NEK6: variants seen among roughly 807,000 people sequenced by gnomAD.
The protein encoded by NEK6 is serine/threonine-protein kinase Nek6.
Under a neutral mutation model 43.5 loss-of-function variants are expected in NEK6, and 27 were observed. The observed-to-expected ratio is 0.62, with a 90% CI of 0.46 to 0.86. The LOEUF (loss-of-function observed/expected upper bound fraction) is 0.86, where lower values mean the gene tolerates loss of function less well. NEK6 is among the 40% of genes least tolerant of loss of function. The probability of loss-of-function intolerance (pLI) is 0.00; values close to 1 mark genes in which losing one functional copy is unlikely to be tolerated. For missense variants in NEK6, 318 were observed against 414.4 expected, an observed-to-expected ratio of 0.77 and a Z score of 2.02; for synonymous variants, 167 against 164.1, an observed-to-expected ratio of 1.02 and a Z score of -0.14.
At chr9:124,312,979 A>G (rs778111636) in intron 3 of NEK6, among the ~76,000 whole-genome samples, 8 of 152,152 alleles carry the variant, frequency 5.3e-5, no homozygotes, top group Admixed American at 2.0e-4. Flanking sequence ...GGGCCCCAGC[A>G]TGAGTCTTGG....
intron 1 of NEK6, among the ~76,000 whole-genome samples, chr9:124,278,289 G>T (rs1463506085): frequency 6.6e-6 from 1 of 152,190 alleles, no homozygotes; most frequent in African/African-American, 2.4e-5. Context: ...GCCTCGTCAT[G>T]CATTTCTCAG....
intron 8 of NEK6, among the ~76,000 whole-genome samples, chr9:124,344,276 T>C (rs1407695404): frequency 1.3e-5 from 2 of 152,140 alleles, no homozygotes; most frequent in African/African-American, 4.8e-5. Context: ...CCCTATAAAG[T>C]GTCATTTACA....
rs755807932 is a variant in NEK6 at position 124,327,497 on chromosome 9, T to C, written c.622+52T>C. The C allele has an allele frequency of 2.5e-5, 35 of 1,375,670 alleles. 1 individual carries two copies. In the East Asian group the frequency reaches 7.8e-4, roughly 31 times the overall value. 85.2% of individuals were successfully genotyped at this position (1,375,670 alleles called of 1,614,324 possible). ...CAGCCCCCAGCGGTCCTGGTGACCA[T>C]GCAGGGAGACGCAAACATTCTCCCC... On this transcript the variant is annotated intron_variant, in intron 7 of 9. Transcript: ENST00000320246.
chr9:124,341,396 C>T (rs1829616905), intron 8 of NEK6, among the ~76,000 whole-genome samples: 1 of 145,906 alleles, frequency 6.9e-6, no homozygotes. Context: ...GAGGGTGGGA[C>T]CCCTTCTCCC....
intron 1 of NEK6, chr9:124,261,309 A>T (rs1342945337): frequency 1.3e-6 from 1 of 758,574 alleles, no homozygotes; most frequent in East Asian, 1.3e-4. Flanking sequence ...AGTGCCCCAG[A>T]TACTTTTCAT....
intron 1 of NEK6, among the ~76,000 whole-genome samples, chr9:124,296,641 C>G (rs752142925): frequency 1.3e-5 from 2 of 152,230 alleles, no homozygotes; most frequent in Non-Finnish European, 2.9e-5. Flanking sequence ...TATGAATGCA[C>G]TTCCATGCAT....
At position 124,275,976 on chromosome 9, in the gene NEK6, A is replaced by T. The variant is rs1831634343; in HGVS notation, c.-30+17891A>T. Among the ~76,000 whole-genome samples, 1 of 152,092 alleles carries T rather than the reference A, an allele frequency of 6.6e-6. No individual in the cohort carries two copies. Among genetic ancestry groups the T allele is most frequent in the Non-Finnish European group, 1.5e-5 (1 of 68,006 alleles). ...ATCCTTTAAACGACAGTTAGGTTTG[A>T]TCCTGCGGGAGGTGGGTGTTTGGAA... On this transcript the variant is annotated intron_variant, in intron 1 of 9. Coordinates refer to ENST00000320246, the MANE Select transcript of NEK6 (RefSeq NM_014397.6). This position sits in a 1 kb window ranked among gnomAD's most constrained non-coding sequence, Gnocchi z 4.4.
In NEK6 at chr9:124,324,676, C is replaced by T. The variant is rs1008338926; in HGVS notation, c.406-1654C>T. On this transcript the variant is annotated intron_variant, in intron 5 of 9. Transcript: ENST00000320246. This position sits in a 1 kb window ranked among gnomAD's most constrained non-coding sequence, Gnocchi z 5.3. ...GTGGGGTCTGTGCTGAGACCTGGGA[C>T]GGCTCACCTGAGAGGGCCTCCCAGA... Among the ~76,000 whole-genome samples, 6 of 152,100 alleles carry T rather than the reference C, an allele frequency of 3.9e-5. No individual in the cohort carries two copies. Among genetic ancestry groups the T allele is most frequent in the Admixed American group, 6.5e-5 (1 of 15,278 alleles).
chr9:124,323,961 C>T (rs760475279), intron 5 of NEK6, among the ~76,000 whole-genome samples: 1 of 152,160 alleles, frequency 6.6e-6, no homozygotes, highest in Non-Finnish European at 1.5e-5. Flanking sequence ...TTCTGAGCAG[C>T]CACCTGGCCC....
intron 2 of NEK6, among the ~76,000 whole-genome samples, chr9:124,309,834 C>T (rs138313614): frequency 9.1e-4 from 139 of 152,352 alleles, no homozygotes; most frequent in South Asian, 1.7e-3. Flanking sequence ...TCCCACTGTG[C>T]GCCAGGTCGT....
In NEK6 at chr9:124,312,634, T is replaced by C. The variant is rs1429452098; in HGVS notation, c.216T>C (p.Ala72=). The part of the protein sequence containing the change: ...ATCLLDRKTV[A]LKKVQIFEMM... ...GCCTGCTGGACAGGAAGACAGTGGCTCTGAAGAAGGTGCAGGTGAGCTGAC... is the reference window on the plus strand; with the variant it reads ...GCCTGCTGGACAGGAAGACAGTGGCCCTGAAGAAGGTGCAGGTGAGCTGAC... Residue 72 remains alanine (A), a synonymous_variant, in exon 3 of 10, where the codon GCT becomes GCC. Transcript: ENST00000320246. The C allele has an allele frequency of 2.5e-6, 4 of 1,613,282 alleles. No individual in the cohort carries two copies. Among genetic ancestry groups the C allele is most frequent in the Non-Finnish European group, 3.4e-6 (4 of 1,179,364 alleles).
At chr9:124,312,454 C>T in intron 2 of NEK6, 55 bp from the exon 3 acceptor site, 5 of 1,575,532 alleles carry the variant, frequency 3.2e-6, no homozygotes, top group Non-Finnish European at 4.3e-6. Flanking sequence ...GGGGTCGTCC[C>T]CAGGCCTCTG....
intron 4 of NEK6, among the ~76,000 whole-genome samples, chr9:124,318,144 G>A (rs1443389326): frequency 6.6e-6 from 1 of 152,226 alleles, no homozygotes; most frequent in Admixed American, 6.5e-5. Flanking sequence ...CCTACCAAAA[G>A]CATAGAAGTG....
In NEK6 at chr9:124,311,642, G is replaced by A. The variant is rs575486050; in HGVS notation, c.91-867G>A. Among the ~76,000 whole-genome samples, 6 of 152,250 alleles carry A rather than the reference G, an allele frequency of 3.9e-5. No individual in the cohort carries two copies. In the South Asian group the frequency reaches 8.3e-4, roughly 21 times the overall value. The stretch of plus-strand genomic sequence containing the variant: ...CTTTGTGGAGCTCTGGTTTCTTCAC[G>A]ACACCCTAAAAAAGGCAGTTTATCT... On this transcript the variant is annotated intron_variant, in intron 2 of 9. Coordinates refer to ENST00000320246, the MANE Select transcript of NEK6 (RefSeq NM_014397.6).
At position 124,327,411 on chromosome 9, in the gene NEK6, C is replaced by T. The variant is rs1242143348; in HGVS notation, c.588C>T (p.Phe196=). The T allele has an allele frequency of 1.4e-5, 22 of 1,613,428 alleles. No individual in the cohort carries two copies. In the South Asian group the frequency reaches 2.4e-4, roughly 18 times the overall value. The part of the protein sequence containing the change: ...VKLGDLGLGR[F]FSSETTAAHS... ...TCGGTGACCTTGGTCTGGGCCGCTT[C>T]TTCAGCTCTGAGACCACCGCAGCCC... The change falls in exon 7 of 10, where the codon TTC becomes TTT. Residue 196 remains phenylalanine (F), a synonymous_variant. Coordinates refer to ENST00000320246, the MANE Select transcript of NEK6 (RefSeq NM_014397.6).
At position 124,273,676 on chromosome 9, in the gene NEK6, G is replaced by A. The variant is rs949228745; in HGVS notation, c.-30+15591G>A. Among the ~76,000 whole-genome samples the A allele has an allele frequency of 3.3e-5, 5 of 152,258 alleles. No individual in the cohort carries two copies. In the South Asian group the frequency reaches 1.0e-3, roughly 32 times the overall value. ...AGCCGTGCTCTGCATTCACGAAATG[G>A]TGAGCTGGCATTTAGGCCATTTATT... On this transcript the variant is annotated intron_variant, in intron 1 of 9. Coordinates refer to ENST00000320246, the MANE Select transcript of NEK6 (RefSeq NM_014397.6).
chr9:124,291,893 G>A, intron 1 of NEK6: 1 of 985,688 alleles, frequency 1.0e-6, no homozygotes, highest in South Asian at 4.7e-5. Flanking sequence ...TGGTGGGGGA[G>A]TTTCCTTTTG....
At chr9:124,294,584 G>A (rs2119078817) in intron 1 of NEK6, among the ~76,000 whole-genome samples, 1 of 152,298 alleles carries the variant, frequency 6.6e-6, no homozygotes, top group African/African-American at 2.4e-5. Context: ...GCACCGATGG[G>A]TCTTTAGTCC....
At chr9:124,269,191 G>GC (rs1831331768) in intron 1 of NEK6, among the ~76,000 whole-genome samples, 1 of 152,134 alleles carries the variant, frequency 6.6e-6, no homozygotes, top group African/African-American at 2.4e-5. Flanking sequence ...GGAAACTGAA[G>GC]CCCAGGGCAA....
Sources: gnomAD v4.1 joint callset for allele counts (sites outside exome capture counted in the v4.1 genomes callset) on GRCh38, gnomAD v4.1.1 for gene constraint, Gnocchi (gnomAD v3.1) non-coding constraint, MANE v1.5 for transcripts, NCBI Gene and HGNC (gene_info 2026-07-23, HGNC 2026-07-21) for gene names.